Variants in NCAM2 observed in about 807,000 individuals in gnomAD.
NCAM2 encodes the protein neural cell adhesion molecule 2.
In NCAM2, 30 loss-of-function variants were observed where a neutral mutation model predicts 98.1. The ratio of observed to expected loss-of-function variants is 0.31; its 90% CI spans 0.23 to 0.41. The LOEUF is 0.41. NCAM2 is among the 10% of genes least tolerant of loss of function. NCAM2 has a pLI of 1.00. For missense variants in NCAM2, 867 were observed against 1,005.8 expected (o/e 0.86, Z 1.87); for synonymous variants, 368 against 342.4 (o/e 1.07, Z -0.83).
intron 1 of NCAM2, among the ~76,000 whole-genome samples, chr21:21,062,169 G>A (rs1024649331): frequency 1.3e-5 from 2 of 152,138 alleles, no homozygotes; most frequent in Admixed American, 6.5e-5. Flanking sequence ...GAGAGGGTTT[G>A]TTTCTGGTTT....
At chr21:21,295,353 T>G (rs1307985964) in intron 5 of NCAM2, among the ~76,000 whole-genome samples, 1 of 151,852 alleles carries the variant, frequency 6.6e-6, no homozygotes, top group African/African-American at 2.4e-5. Context: ...TTTTCTTACC[T>G]CCCTCTGTGA....
chr21:21,398,558 G>A (rs2076564161), intron 9 of NCAM2, among the ~76,000 whole-genome samples: 1 of 152,188 alleles, frequency 6.6e-6, no homozygotes, highest in African/African-American at 2.4e-5. Flanking sequence ...TCACAAATAA[G>A]CCTAGGTTAT....
chr21:21,274,063 G>A (rs1157348102), intron 1 of NCAM2, among the ~76,000 whole-genome samples: 2 of 124 alleles, frequency 0.016, no homozygotes, highest in Non-Finnish European at 0.036. Flanking sequence ...TACTTGGGAG[G>A]CTTGAGGCAG....
intron 1 of NCAM2, among the ~76,000 whole-genome samples, chr21:21,219,907 G>C (rs35990309): frequency 1.3e-5 from 2 of 151,964 alleles, no homozygotes; most frequent in Middle Eastern, 3.2e-3. Flanking sequence ...ATGTGTTTGC[G>C]TCACAGTTTT....
At chr21:21,175,350 T>C (rs2068248810) in intron 1 of NCAM2, among the ~76,000 whole-genome samples, 1 of 151,920 alleles carries the variant, frequency 6.6e-6, no homozygotes, top group Non-Finnish European at 1.5e-5. Context: ...CTGGCCAACA[T>C]GGTGAAACCC....
At chr21:21,034,055 G>C (rs183007815) in intron 1 of NCAM2, among the ~76,000 whole-genome samples, 38 of 151,148 alleles carry the variant, frequency 2.5e-4, no homozygotes, top group African/African-American at 4.1e-4. Flanking sequence ...TAGGCAAAGG[G>C]GGGGGGGAAA....
chr21:21,260,134 C>T (rs1416150722), intron 1 of NCAM2, among the ~76,000 whole-genome samples: 1 of 151,292 alleles, frequency 6.6e-6, no homozygotes, highest in East Asian at 2.0e-4. Context: ...CAAATTAACC[C>T]AGTCAGACAA....
chr21:21,264,959 G>GTATATATACACATA (rs1568854799), intron 1 of NCAM2, among the ~76,000 whole-genome samples: 1 of 91,630 alleles, frequency 1.1e-5, no homozygotes, highest in African/African-American at 4.5e-5. Flanking sequence ...ATATGTGTAT[G>GTATATATACACATA]TGTATATATA....
At chr21:21,152,596 A>G (rs2067479306) in intron 1 of NCAM2, among the ~76,000 whole-genome samples, 1 of 151,942 alleles carries the variant, frequency 6.6e-6, no homozygotes, top group Non-Finnish European at 1.5e-5. Flanking sequence ...TTTAGGCTAG[A>G]CTTTGTGGAG....
chr21:21,420,440 T>C (rs1156377920), intron 11 of NCAM2, among the ~76,000 whole-genome samples: 2 of 152,026 alleles, frequency 1.3e-5, no homozygotes, highest in East Asian at 3.9e-4. Context: ...AAATGTGATT[T>C]ACAGTCTTCT....
intron 12 of NCAM2, among the ~76,000 whole-genome samples, chr21:21,436,240 T>A (rs1978324441): frequency 6.6e-6 from 1 of 152,218 alleles, no homozygotes; most frequent in Non-Finnish European, 1.5e-5. Context: ...TACTTTCATT[T>A]TGTTTCTGTG....
chr21:21,407,443 A>AT (rs1399729644), intron 9 of NCAM2, among the ~76,000 whole-genome samples: 1 of 152,214 alleles, frequency 6.6e-6, no homozygotes, highest in Non-Finnish European at 1.5e-5. Context: ...CAGGCAAGCA[A>AT]TTAGTGGCAA....
intron 15 of NCAM2, among the ~76,000 whole-genome samples, chr21:21,502,435 T>C (rs983524298): frequency 6.6e-6 from 1 of 151,982 alleles, no homozygotes; most frequent in Non-Finnish European, 1.5e-5. Context: ...TTCATGTCTA[T>C]TGACCTTAAT....
chr21:21,215,004 T>C (rs1160890008), intron 1 of NCAM2, among the ~76,000 whole-genome samples: 1 of 151,856 alleles, frequency 6.6e-6, no homozygotes, highest in Non-Finnish European at 1.5e-5. Flanking sequence ...CCTGGAAATA[T>C]GCTGATTTTA....
At position 21,279,547 on chromosome 21, in the gene NCAM2, C is replaced by T. The variant is rs188499466; in HGVS notation, c.56-1031C>T. Among the ~76,000 whole-genome samples, 49 of 147,148 alleles carry T rather than the reference C, an allele frequency of 3.3e-4. 2 individuals carry two copies. Among genetic ancestry groups the T allele is most frequent in the Admixed American group, 3.1e-3 (46 of 15,074 alleles). ...CTAATTTTTGCATTTTTAGTAGAGA[C>T]GGGGTTTCACCATGTTTGCCAGGCT... On this transcript the variant is annotated intron_variant, in intron 1 of 17. Coordinates refer to ENST00000400546, the MANE Select transcript of NCAM2 (RefSeq NM_004540.5).
chr21:21,446,512 A>C (rs985067285), intron 12 of NCAM2, among the ~76,000 whole-genome samples: 5 of 151,936 alleles, frequency 3.3e-5, no homozygotes, highest in Non-Finnish European at 5.9e-5. Flanking sequence ...ATATTCTGTC[A>C]TCACTCCTAT....
intron 1 of NCAM2, among the ~76,000 whole-genome samples, chr21:21,087,047 G>T (rs1268114566): frequency 6.6e-6 from 1 of 150,458 alleles, no homozygotes; most frequent in Non-Finnish European, 1.5e-5. Context: ...AGAATGACAT[G>T]AAAGTTTATG....
At chr21:21,077,821 G>A (rs1257837507) in intron 1 of NCAM2, among the ~76,000 whole-genome samples, 1 of 151,834 alleles carries the variant, frequency 6.6e-6, no homozygotes, top group East Asian at 1.9e-4. Context: ...TTCATTTATT[G>A]GCACATTATT....
At chr21:21,195,746 A>G (rs76537901) in intron 1 of NCAM2, among the ~76,000 whole-genome samples, 2,676 of 152,270 alleles carry the variant, frequency 0.018, 64 homozygotes, top group African/African-American at 0.061. Context: ...CATGTGCGAT[A>G]CTCCAGACAT....
Sources: allele counts gnomAD v4.1 joint callset (sites outside exome capture counted in the v4.1 genomes callset), GRCh38; gene constraint gnomAD v4.1.1; transcripts MANE v1.5; gene names NCBI Gene and HGNC (gene_info 2026-07-23, HGNC 2026-07-21).